TLK2: variants seen among roughly 807,000 people sequenced by gnomAD.
The protein encoded by TLK2 is tousled like kinase 2.
In TLK2, 6 loss-of-function variants were observed where a neutral mutation model predicts 117.3. The observed-to-expected ratio is 0.05, with a 90% confidence interval of 0.03 to 0.10. TLK2 has a LOEUF of 0.10. Among genes scored for constraint, TLK2 ranks in the 10% least tolerant of loss-of-function variants. The pLI, the probability that TLK2 is intolerant of heterozygous loss-of-function variation, is 1.00. For synonymous variants in TLK2, 257 were observed against 316.7 expected (o/e 0.81, Z 2.00); for missense variants, 299 against 901.2 (o/e 0.33, Z 8.56).
At chr17:62,531,097 C>G (rs2076709802) in intron 6 of TLK2, among the ~76,000 whole-genome samples, 1 of 152,082 alleles carries the variant, frequency 6.6e-6, no homozygotes. Flanking sequence ...CTTGTGATTT[C>G]TTGGACTTCT....
chr17:62,612,618 G>C lies in TLK2; in HGVS notation c.*53G>C. ...AACACACACAAAGTGGACAAATGGC[G>C]TTCAGCAGCGGGTTTGGAACATAGC... On this transcript the variant is annotated 3_prime_UTR_variant, in exon 22 of 22. Coordinates refer to ENST00000346027, the MANE Select transcript of TLK2 (RefSeq NM_006852.6). 2.0e-6 allele frequency: 3 copies of C among 1,520,056 alleles called. No homozygotes were observed. The highest frequency in any genetic ancestry group is 2.7e-6 in the Non-Finnish European group (3 of 1,115,648). The allele number at this position is 1,520,056 out of a possible 1,614,324, so 94.2% of individuals were successfully genotyped here.
At position 62,612,025 on chromosome 17, in the gene TLK2, G is replaced by A. The variant is rs1269027040; in HGVS notation, c.2080-367G>A. ...ATGAGGCCATGGTTTGTAGATGGAG[G>A]ACCGTGAAGTTAGATCGTTCCCATC... On this transcript the variant is annotated intron_variant, in intron 21 of 21. Transcript: ENST00000346027. 5 of 160,980 alleles carry A rather than the reference G, an allele frequency of 3.1e-5. No homozygotes were observed. In the Admixed American group the frequency reaches 3.2e-4, roughly 10 times the overall value. The allele number at this position is 160,980 out of a possible 1,614,324, so 10.0% of individuals were successfully genotyped here. A position where few individuals can be genotyped will look rare whatever the true frequency, so the allele number is the denominator to read the frequency against.
At chr17:62,552,266 A>G (rs2078524867) in intron 7 of TLK2, 36 bp from the exon 8 acceptor site, 3 of 1,567,294 alleles carry the variant, frequency 1.9e-6, no homozygotes, top group Non-Finnish European at 2.6e-6. Flanking sequence ...AAAGATGCCA[A>G]ACTTTCCTGT....
intron 2 of TLK2, among the ~76,000 whole-genome samples, chr17:62,496,914 G>A (rs1414614346): frequency 4.9e-5 from 7 of 143,504 alleles, no homozygotes; most frequent in East Asian, 2.0e-4. Context: ...CCAAGATCGC[G>A]CCACTGCACT....
At chr17:62,483,205 C>G (rs922279063) in intron 2 of TLK2, among the ~76,000 whole-genome samples, 1 of 151,612 alleles carries the variant, frequency 6.6e-6, no homozygotes, top group Non-Finnish European at 1.5e-5. Flanking sequence ...ACCCCCGCCT[C>G]CCGTAAGTCA....
At chr17:62,511,240 C>G (rs2075120874) in intron 2 of TLK2, among the ~76,000 whole-genome samples, 1 of 152,210 alleles carries the variant, frequency 6.6e-6, no homozygotes, top group African/African-American at 2.4e-5. Flanking sequence ...TCATAAGGCT[C>G]TTTCCTGCTA....
At chr17:62,607,012 C>CTTTTTTTTTTTTTTTTTTTTT (rs10680028) in intron 20 of TLK2, among the ~76,000 whole-genome samples, 1 of 123,566 alleles carries the variant, frequency 8.1e-6, no homozygotes. Context: ...TCTCCTTGGT[C>CTTTTTTTTTTTTTTTTTTTTT]TTTTTTTTTT....
chr17:62,486,163 A>G (rs1360332688), intron 2 of TLK2, among the ~76,000 whole-genome samples: 7 of 146,308 alleles, frequency 4.8e-5, no homozygotes, highest in African/African-American at 1.5e-4. Context: ...GAGCTGTCCT[A>G]CCTCTTTTTT....
At chr17:62,516,419 G>C in intron 2 of TLK2, 1 of 1,590,632 alleles carries the variant, frequency 6.3e-7, no homozygotes, top group Non-Finnish European at 8.5e-7. Flanking sequence ...TCGGCACCAG[G>C]TAGCACAGCA....
At position 62,578,530 on chromosome 17, in the gene TLK2, A is replaced by G. The variant is rs2080982551; in HGVS notation, c.1242A>G (p.Leu414=). 4.3e-6 allele frequency: 7 copies of G among 1,613,884 alleles called. No homozygotes were observed. Among genetic ancestry groups the G allele is most frequent in the Non-Finnish European group, 5.9e-6 (7 of 1,179,956 alleles). The change falls in exon 14 of 22, where the codon CTA becomes CTG. Residue 414 remains leucine, a synonymous_variant. Coordinates refer to ENST00000346027, the MANE Select transcript of TLK2 (RefSeq NM_006852.6). ...AGAGACTAGAAAGGGTTAGAAATCT[A>G]CATATCAGGGAACTAAAAAGGATAC... is the stretch of plus-strand genomic sequence containing the variant. ...ELERLERVRN[L]HIRELKRIHN... is the part of the protein sequence containing the mutation.
chr17:62,519,661 A>G (rs773888445), intron 2 of TLK2, among the ~76,000 whole-genome samples: 3 of 152,186 alleles, frequency 2.0e-5, no homozygotes, highest in South Asian at 2.1e-4. Context: ...ATTATTGTTT[A>G]TAATATAAAA....
At chr17:62,591,354 A>AT (rs199958428) in intron 16 of TLK2, among the ~76,000 whole-genome samples, 1 of 150,780 alleles carries the variant, frequency 6.6e-6, no homozygotes, top group Non-Finnish European at 1.5e-5. Flanking sequence ...AATATATGTA[A>AT]TTTAAAAAAA....
At chr17:62,597,820 C>G (rs1356459381) in intron 17 of TLK2, among the ~76,000 whole-genome samples, 3 of 152,112 alleles carry the variant, frequency 2.0e-5, no homozygotes, top group African/African-American at 7.2e-5. Context: ...ACCTCCCGTG[C>G]CTCTGGGTTT....
At chr17:62,600,846 A>G in intron 18 of TLK2, 26 bp downstream of exon 18, 3 of 1,560,862 alleles carry the variant, frequency 1.9e-6, no homozygotes, top group Non-Finnish European at 2.6e-6. Flanking sequence ...AGGAGACAGT[A>G]TTAGTGGGTT....
At chr17:62,563,579 TAGAC>T (rs1224827696) in intron 10 of TLK2, among the ~76,000 whole-genome samples, 23 of 152,198 alleles carry the variant, frequency 1.5e-4, no homozygotes, top group Non-Finnish European at 3.2e-4. Flanking sequence ...TTGGTTGAAA[TAGAC>T]AGGACATCTC....
intron 19 of TLK2, 131 bp downstream of exon 19, chr17:62,602,311 C>G: frequency 1.2e-6 from 1 of 822,468 alleles, no homozygotes; most frequent in Non-Finnish European, 1.8e-6. Context: ...AGACTTTCTC[C>G]CCAAATCATT....
chr17:62,589,054 A>G (rs1025779900), intron 16 of TLK2, among the ~76,000 whole-genome samples: 5 of 152,062 alleles, frequency 3.3e-5, no homozygotes, highest in Admixed American at 2.0e-4. Flanking sequence ...AGATTTCAAA[A>G]GAAAATAAAA....
At chr17:62,524,148 A>T (rs1331022509) in intron 5 of TLK2, 88 bp from the exon 6 acceptor site, 1 of 979,084 alleles carries the variant, frequency 1.0e-6, no homozygotes, top group Non-Finnish European at 1.5e-6. Context: ...TATAATTAAG[A>T]TCTGTTTGTG....
At chr17:62,500,012 G>C (rs1475218667) in intron 2 of TLK2, among the ~76,000 whole-genome samples, 1 of 152,054 alleles carries the variant, frequency 6.6e-6, no homozygotes, top group Non-Finnish European at 1.5e-5. Flanking sequence ...ATGGGATCCT[G>C]CTTTTACTAG....
Sources: allele counts gnomAD v4.1 joint callset (sites outside exome capture counted in the v4.1 genomes callset), GRCh38; gene constraint gnomAD v4.1.1; transcripts MANE v1.5; gene names NCBI Gene and HGNC (gene_info 2026-07-23, HGNC 2026-07-21).